GFRA3: variants seen among roughly 807,000 people sequenced by gnomAD.
The protein encoded by GFRA3 is GDNF family receptor alpha-3.
A neutral mutation model predicts 40.0 loss-of-function variants in GFRA3; 24 were observed. The observed-to-expected ratio is 0.60, with a 90% CI of 0.43 to 0.84. The LOEUF (loss-of-function observed/expected upper bound fraction) is 0.84, where lower values mean the gene tolerates loss of function less well. Among genes scored for constraint, GFRA3 ranks in the 40% least tolerant of loss-of-function variants. The probability of loss-of-function intolerance (pLI) is 0.00; values close to 1 mark genes in which losing one functional copy is unlikely to be tolerated. For missense variants in GFRA3, 405 were observed against 530.6 expected, an observed-to-expected ratio of 0.76 and a Z score of 2.33; for synonymous variants, 203 against 213.5, an observed-to-expected ratio of 0.95 and a Z score of 0.43.
At chr5:138,256,549 A>C (rs1026287831) in intron 4 of GFRA3, among the ~76,000 whole-genome samples, 27 of 128,726 alleles carry the variant, frequency 2.1e-4, no homozygotes, top group African/African-American at 4.8e-4. Context: ...ACAAAAAAAA[A>C]CAAACAAAAA....
At chr5:138,267,741 GTTA>G (rs2126619060) in intron 1 of GFRA3, 1 of 154,532 alleles carries the variant, frequency 6.5e-6, no homozygotes, top group Non-Finnish European at 1.4e-5. Context: ...CATAAAGGTT[GTTA>G]TGAAAATCTG....
intron 1 of GFRA3, among the ~76,000 whole-genome samples, chr5:138,273,001 A>G (rs771804780): frequency 6.6e-6 from 1 of 152,186 alleles, no homozygotes; most frequent in Non-Finnish European, 1.5e-5. Flanking sequence ...CCAGGTATCC[A>G]TTTTATAGTT....
chr5:138,258,026 G>A (rs2126613103), intron 3 of GFRA3, 75 bp from the exon 4 acceptor site: 1 of 1,203,598 alleles, frequency 8.3e-7, no homozygotes, highest in South Asian at 1.2e-5. Context: ...AGGAACCCCG[G>A]AAACCCCTGA....
In GFRA3 at chr5:138,252,400, T is replaced by C. The variant is rs1184332887; in HGVS notation, c.*568A>G. ...AAGTCTTAAGTCAAAGGTTTAATCA[T>C]GATCCAAGAGCCCAGAGAGACTTTA... On this transcript the variant is annotated 3_prime_UTR_variant, in exon 8 of 8. Coordinates refer to ENST00000274721, the MANE Select transcript of GFRA3 (RefSeq NM_001496.4). 1 of 152,862 alleles carries C rather than the reference T, an allele frequency of 6.5e-6. No homozygotes were observed. The highest frequency in any genetic ancestry group is 2.4e-5 in the African/African-American group (1 of 41,440). The allele number at this position is 152,862 out of a possible 1,614,324, so 9.5% of individuals were successfully genotyped here. A position where few individuals can be genotyped will look rare whatever the true frequency, so the allele number is the denominator to read the frequency against.
intron 1 of GFRA3, among the ~76,000 whole-genome samples, chr5:138,265,968 T>C (rs947115727): frequency 2.0e-5 from 3 of 152,230 alleles, no homozygotes; most frequent in African/African-American, 7.2e-5. Flanking sequence ...AGTGCTGGGA[T>C]TACAGGCATG....
intron 1 of GFRA3, 97 bp from the exon 2 acceptor site, chr5:138,264,645 C>T: frequency 1.2e-6 from 1 of 809,264 alleles, no homozygotes; most frequent in Middle Eastern, 2.9e-4. Flanking sequence ...CCTGATGAAA[C>T]TTTGTGAAAG....
At chr5:138,272,936 G>C (rs1397063332) in intron 1 of GFRA3, among the ~76,000 whole-genome samples, 1 of 152,158 alleles carries the variant, frequency 6.6e-6, no homozygotes, top group Non-Finnish European at 1.5e-5. Flanking sequence ...GTCAGATCAG[G>C]CTATGCCTCA....
chr5:138,274,267 G>A (rs1755917060), intron 1 of GFRA3, 67 bp downstream of exon 1: 8 of 1,306,466 alleles, frequency 6.1e-6, no homozygotes, highest in East Asian at 2.8e-5. Flanking sequence ...CAGGTGCCCC[G>A]GGCCTCGCCT....
intron 1 of GFRA3, among the ~76,000 whole-genome samples, chr5:138,269,568 ACG>A (rs992114393): frequency 6.7e-6 from 1 of 149,914 alleles, no homozygotes; most frequent in Admixed American, 6.7e-5. Context: ...AACAAGCCAG[ACG>A]CAGTGGCTCA....
Position 138,264,267 on chromosome 5 carries a change from T to G in GFRA3, c.373A>C (p.Ser125Arg). The change falls in exon 2 of 8, where the codon AGC (serine) becomes CGC (arginine). Residue 125 changes from serine (S) to arginine (R), a missense_variant. Transcript: ENST00000274721. ...TCTATAATGGGAGCCTCACCAAGGCTGCGGGCACGGTGAACGGTCCAATAG... is the reference window on the plus strand; with the variant it reads ...TCTATAATGGGAGCCTCACCAAGGCGGCGGGCACGGTGAACGGTCCAATAG... ...DIYWTVHRAR[S>R]LGNYELDVSP... The G allele has an allele frequency of 6.3e-7, 1 of 1,594,284 alleles. No homozygotes were observed. The highest frequency in any genetic ancestry group is 8.6e-7 in the Non-Finnish European group (1 of 1,164,738).
intron 2 of GFRA3, among the ~76,000 whole-genome samples, chr5:138,261,094 G>A (rs898094449): frequency 6.6e-5 from 10 of 152,190 alleles, no homozygotes; most frequent in Admixed American, 2.6e-4. Flanking sequence ...TATAATGTGT[G>A]TCATTGGCTT....
In GFRA3 at chr5:138,274,415, G is replaced by A. The variant is rs1755920607; in HGVS notation, c.10C>T (p.Pro4Ser). 1 of 1,306,484 alleles carries A rather than the reference G, an allele frequency of 7.7e-7. No individual in the cohort carries two copies. Among genetic ancestry groups the A allele is most frequent in the East Asian group, 3.1e-5 (1 of 32,226 alleles). The allele number at this position is 1,306,484 out of a possible 1,614,324, so 80.9% of individuals were successfully genotyped here. Residue 4 changes from proline (P) to serine (S), a missense_variant, in exon 1 of 8, where the codon CCC becomes TCC. Physicochemically the swap from Pro to Ser is moderately conservative, Grantham distance 74 (BLOSUM62 -1). Coordinates refer to ENST00000274721, the MANE Select transcript of GFRA3 (RefSeq NM_001496.4). MVRPLNPRPLPPVV... is the reference protein window; with the variant it reads MVRSLNPRPLPPVV... ...GGCGGCAGCGGTCGCGGGTTCAGGGGGCGCACCATGGCGAGCTGTAGGCGC... is the reference window on the plus strand; with the variant it reads ...GGCGGCAGCGGTCGCGGGTTCAGGGAGCGCACCATGGCGAGCTGTAGGCGC...
chr5:138,260,246 C>A (rs1215374832), intron 2 of GFRA3, among the ~76,000 whole-genome samples: 1 of 152,134 alleles, frequency 6.6e-6, no homozygotes, highest in Non-Finnish European at 1.5e-5. Flanking sequence ...TGATGTAAAT[C>A]ACATCTGAGC....
At chr5:138,261,117 A>G (rs1160763245) in intron 2 of GFRA3, among the ~76,000 whole-genome samples, 1 of 152,216 alleles carries the variant, frequency 6.6e-6, no homozygotes, top group African/African-American at 2.4e-5. Flanking sequence ...GTACTGGGCA[A>G]TGGGTGGTAA....
At position 138,257,913 on chromosome 5, in the gene GFRA3, G is replaced by A; in HGVS notation, c.511C>T (p.Leu171Phe). ...CGCAGCCGGTCACACTTGTCATTGA[G>A]AGTACACAGCATGGCAAACTTGAGG... ...LCLKFAMLCTLNDKCDRLRKA... is the reference protein window; with the variant it reads ...LCLKFAMLCTFNDKCDRLRKA... The change falls in exon 4 of 8, where the codon CTC (leucine) becomes TTC (phenylalanine). Residue 171 changes from leucine to phenylalanine, a missense_variant. By Grantham distance (22) the Leu-to-Phe change is conservative. Transcript: ENST00000274721. 3.1e-6 allele frequency: 5 copies of A among 1,614,142 alleles called. No individual in the cohort carries two copies. The highest frequency in any genetic ancestry group is 4.2e-6 in the Non-Finnish European group (5 of 1,180,002).
At chr5:138,259,205 G>T (rs1043604636) in intron 3 of GFRA3, among the ~76,000 whole-genome samples, 3 of 152,186 alleles carry the variant, frequency 2.0e-5, no homozygotes, top group Admixed American at 6.5e-5. Flanking sequence ...GGACAAAAAG[G>T]CTACTTTCCC....
chr5:138,269,621 A>G (rs185193661), intron 1 of GFRA3, among the ~76,000 whole-genome samples: 1 of 151,966 alleles, frequency 6.6e-6, no homozygotes, highest in East Asian at 1.9e-4. Flanking sequence ...AGGTAGGCAG[A>G]TCATGAGGTC....
At chr5:138,272,207 T>G (rs1431125711) in intron 1 of GFRA3, among the ~76,000 whole-genome samples, 2 of 150,792 alleles carry the variant, frequency 1.3e-5, no homozygotes, top group Non-Finnish European at 3.0e-5. Flanking sequence ...GGGGATTCAC[T>G]GTGTTAGCCA....
At chr5:138,257,531 G>C in intron 4 of GFRA3, 108 bp downstream of exon 4, 1 of 851,632 alleles carries the variant, frequency 1.2e-6, no homozygotes, top group Admixed American at 3.3e-5. Flanking sequence ...GCAGCCAGTG[G>C]GTCCACGGTT....
Sources: gnomAD v4.1 joint callset for allele counts (sites outside exome capture counted in the v4.1 genomes callset) on GRCh38, gnomAD v4.1.1 for gene constraint, MANE v1.5 for transcripts, NCBI Gene and HGNC (gene_info 2026-07-23, HGNC 2026-07-21) for gene names.